Variants in COQ7 observed in about 807,000 individuals in gnomAD.
The protein encoded by COQ7 is coenzyme Q7, hydroxylase, also known as NADPH-dependent 3-demethoxyubiquinone 3-hydroxylase, mitochondrial.
A neutral mutation model predicts 25.0 loss-of-function variants in COQ7; 21 were observed. The ratio of observed to expected loss-of-function variants is 0.84; its 90% CI spans 0.60 to 1.21. COQ7 has a LOEUF of 1.21. COQ7 is among the 50% of genes most tolerant of loss of function. The pLI is 0.00. For missense variants in COQ7, 311 were observed against 296.2 expected (o/e 1.05, Z -0.37); for synonymous variants, 125 against 112.4 (o/e 1.11, Z -0.71).
At chr16:19,076,421 C>G (rs1252225693) in intron 4 of COQ7, among the ~76,000 whole-genome samples, 1 of 151,566 alleles carries the variant, frequency 6.6e-6, no homozygotes, top group Non-Finnish European at 1.5e-5. Flanking sequence ...GAGCCCTGTC[C>G]TGTTCACTTA....
At chr16:19,073,892 G>T in intron 2 of COQ7, 29 bp from the exon 3 acceptor site, 1 of 1,565,994 alleles carries the variant, frequency 6.4e-7, no homozygotes, top group Non-Finnish European at 8.8e-7. Flanking sequence ...TGGAATGCTT[G>T]CATGTCTTTA....
Position 19,079,105 on chromosome 16 carries a change from G to GAGAT in COQ7, c.*949_*952dup, listed in dbSNP as rs1219730003. On this transcript the variant is annotated 3_prime_UTR_variant, in exon 6 of 6. Transcript: ENST00000321998. ...TCAGTGCCTTATGAAAGGCCCTAGA[G>GAGAT]AGATACCTCATCCTCTCCACAGTGT... is the stretch of plus-strand genomic sequence containing the variant. 8 of 152,188 alleles carry GAGAT rather than the reference G, an allele frequency of 5.3e-5. No homozygotes were observed. Among genetic ancestry groups the GAGAT allele is most frequent in the African/African-American group, 1.9e-4 (8 of 41,454 alleles). The allele number at this position is 152,188 out of a possible 1,614,324, so 9.4% of individuals were successfully genotyped here. A position where few individuals can be genotyped will look rare whatever the true frequency, so the allele number is the denominator to read the frequency against.
intron 1 of COQ7, among the ~76,000 whole-genome samples, chr16:19,071,335 C>T (rs2142367841): frequency 6.6e-6 from 1 of 152,322 alleles, no homozygotes; most frequent in African/African-American, 2.4e-5. Flanking sequence ...GGGGTTTCAC[C>T]ATGTTGGCGA....
At chr16:19,069,409 C>CTTTTTTT (rs67523316) in intron 1 of COQ7, among the ~76,000 whole-genome samples, 1 of 119,352 alleles carries the variant, frequency 8.4e-6, no homozygotes, top group Non-Finnish European at 1.7e-5. Context: ...TGATTATTGC[C>CTTTTTTT]TTTTTTTTTT....
chr16:19,078,125 C>T lies in COQ7; in HGVS notation c.621C>T (p.Cys207=), dbSNP rs1167216270. The T allele has an allele frequency of 6.2e-7, 1 of 1,611,588 alleles. No homozygotes were observed. The highest frequency in any genetic ancestry group is 1.3e-5 in the African/African-American group (1 of 74,696). Residue 207 remains cysteine (C), a synonymous_variant, in exon 6 of 6, where the codon TGC becomes TGT. Transcript: ENST00000321998. ...TGAAGAGCATTATCCAGGCCGGATGCAGAGTGGCGATATATTTATCAGAAA... is the reference window on the plus strand; with the variant it reads ...TGAAGAGCATTATCCAGGCCGGATGTAGAGTGGCGATATATTTATCAGAAA... ...AVLKSIIQAG[C]RVAIYLSERL
At chr16:19,073,853 A>G in intron 2 of COQ7, 68 bp from the exon 3 acceptor site, 1 of 1,163,688 alleles carries the variant, frequency 8.6e-7, no homozygotes, top group South Asian at 1.3e-5. Context: ...TGCTCCCTGT[A>G]TGCCGCTTGG....
Position 19,077,380 on chromosome 16 carries a change from G to A in COQ7, c.576+6G>A, listed in dbSNP as rs773069213. On this transcript the variant is annotated splice_donor_region_variant and intron_variant, in intron 5 of 5. Coordinates refer to ENST00000321998, the MANE Select transcript of COQ7 (RefSeq NM_016138.5). ...TCGACCATGATGCAGAATTGGTAGG[G>A]CCCTACTGTTACCTGTTCTGCTTTG... 7 of 1,613,196 alleles carry A rather than the reference G, an allele frequency of 4.3e-6. No homozygotes were observed. Among genetic ancestry groups the A allele is most frequent in the Admixed American group, 1.7e-5 (1 of 59,968 alleles).
chr16:19,071,879 C>T, intron 1 of COQ7, 49 bp from the exon 2 acceptor site: 1 of 1,604,466 alleles, frequency 6.2e-7, no homozygotes, highest in Non-Finnish European at 8.5e-7. Context: ...GTAAAAGGAA[C>T]ATCTGGATTT....
At chr16:19,070,334 A>T (rs1441554398) in intron 1 of COQ7, among the ~76,000 whole-genome samples, 1 of 152,240 alleles carries the variant, frequency 6.6e-6, no homozygotes, top group Non-Finnish European at 1.5e-5. Flanking sequence ...ATCTAAAATG[A>T]ATTTTTTCCA....
downstream of COQ7, among the ~76,000 whole-genome samples, chr16:19,081,992 G>C (rs552866157): frequency 6.6e-6 from 1 of 152,106 alleles, no homozygotes; most frequent in East Asian, 1.9e-4. Context: ...TTTTACTCCA[G>C]CCTGGGCAAC....
chr16:19,076,285 G>A (rs1274885294), intron 4 of COQ7, among the ~76,000 whole-genome samples: 1 of 144,262 alleles, frequency 6.9e-6, no homozygotes, highest in South Asian at 2.2e-4. Flanking sequence ...TTAAGAGATG[G>A]GGTCTCACTA....
At chr16:19,071,720 A>T in intron 1 of COQ7, 1 of 583,478 alleles carries the variant, frequency 1.7e-6, no homozygotes, top group Non-Finnish European at 3.0e-6. Context: ...CCAGATCTTC[A>T]TACACTTAAA....
chr16:19,081,118 A>G (rs551256632), downstream of COQ7, among the ~76,000 whole-genome samples: 168 of 152,338 alleles, frequency 1.1e-3, no homozygotes, highest in Middle Eastern at 3.4e-3. Flanking sequence ...TTCAGAGTCA[A>G]GAAAACTTTT....
intron 2 of COQ7, 117 bp from the exon 3 acceptor site, chr16:19,073,804 G>T: frequency 1.5e-6 from 1 of 680,646 alleles, no homozygotes; most frequent in East Asian, 2.8e-5. Flanking sequence ...GAGGGGAATG[G>T]GGGAGACAGC....
intron 5 of COQ7, among the ~76,000 whole-genome samples, chr16:19,077,602 T>TTTTTTTTTTTTTTTTTTTTTTTTTC (rs1383551592): frequency 7.1e-6 from 1 of 140,372 alleles, no homozygotes; most frequent in Non-Finnish European, 1.6e-5. Flanking sequence ...TTTTTTTTTT[T>TTTTTTTTTTTTTTTTTTTTTTTTTC]TTCCCAGACA....
At chr16:19,080,628 T>A (rs1041094973), downstream of COQ7, among the ~76,000 whole-genome samples, 3 of 152,132 alleles carry the variant, frequency 2.0e-5, no homozygotes, top group African/African-American at 7.2e-5. Context: ...AAAATAAGAA[T>A]AATGTTTAAT....
In COQ7 at chr16:19,074,016, C is replaced by A. The variant is rs760972380; in HGVS notation, c.348C>A (p.Asn116Lys). The A allele has an allele frequency of 8.1e-6, 13 of 1,612,970 alleles. No homozygotes were observed. The Admixed American group carries it at 2.2e-4, about 27-fold the overall frequency. Residue 116 changes from asparagine (N) to lysine (K), a missense_variant, in exon 3 of 6, where the codon AAC (asparagine) becomes AAA (lysine). Physicochemically the swap from Asn to Lys is moderately conservative, Grantham distance 94. Coordinates refer to ENST00000321998, the MANE Select transcript of COQ7 (RefSeq NM_016138.5). ...CAACAGTTCTGATGCCCTTGTGGAACGTGCTGGGGTTTGCACTGGGTACGT... is the reference window on the plus strand; with the variant it reads ...CAACAGTTCTGATGCCCTTGTGGAAAGTGCTGGGGTTTGCACTGGGTACGT... ...VRPTVLMPLW[N>K]VLGFALGAGT...
At chr16:19,068,772 T>C (rs1962386811) in intron 1 of COQ7, 1 of 374,820 alleles carries the variant, frequency 2.7e-6, no homozygotes, top group African/African-American at 2.1e-5. Context: ...TTTTGATTAC[T>C]AGATGTGTTT....
At chr16:19,072,659 A>G (rs1962624010) in intron 2 of COQ7, among the ~76,000 whole-genome samples, 1 of 152,182 alleles carries the variant, frequency 6.6e-6, no homozygotes, top group South Asian at 2.1e-4. Context: ...TCAAGTTAGT[A>G]CAAGTTAAAT....
Sources: gnomAD v4.1 joint callset for allele counts (sites outside exome capture counted in the v4.1 genomes callset) on GRCh38, gnomAD v4.1.1 for gene constraint, MANE v1.5 for transcripts, NCBI Gene and HGNC (gene_info 2026-07-23, HGNC 2026-07-21) for gene names.